The following WRN variants were observed in gnomAD, a reference collection of about 807,000 sequenced individuals.
The protein encoded by WRN is WRN RecQ like helicase, also known as bifunctional 3'-5' exonuclease/ATP-dependent helicase WRN.
In WRN, 149 loss-of-function variants were observed where a neutral mutation model predicts 180.7. That is an observed-to-expected ratio of 0.82 (90% confidence interval 0.72 to 0.94). The LOEUF (loss-of-function observed/expected upper bound fraction) is 0.94. Among genes scored for constraint, WRN ranks in the 40% least tolerant of loss-of-function variants. The pLI is 0.00. For missense variants in WRN, 1,661 were observed against 1,700.1 expected (o/e 0.98, Z 0.40); for synonymous variants, 548 against 568.9 (o/e 0.96, Z 0.52).
At chr8:31,049,450 A>G (rs550977422) in intron 1 of WRN, among the ~76,000 whole-genome samples, 22 of 151,424 alleles carry the variant, frequency 1.5e-4, no homozygotes, top group African/African-American at 5.1e-4. Flanking sequence ...AGGATTGCTT[A>G]AGCCTGGGGA....
intron 1 of WRN, among the ~76,000 whole-genome samples, chr8:31,039,405 G>C (rs1195560859): frequency 6.6e-6 from 1 of 151,756 alleles, no homozygotes; most frequent in Admixed American, 6.6e-5. Flanking sequence ...ATATTTCAAC[G>C]TTGATGTTGT....
At chr8:31,156,610 A>T (rs867113418) in intron 32 of WRN, among the ~76,000 whole-genome samples, 1 of 152,258 alleles carries the variant, frequency 6.6e-6, no homozygotes. Flanking sequence ...ATTTATGCAA[A>T]TACAGTCTAA....
intron 26 of WRN, among the ~76,000 whole-genome samples, chr8:31,142,064 A>AC (rs1206580534): frequency 6.6e-5 from 10 of 151,834 alleles, no homozygotes; most frequent in Admixed American, 1.3e-4. Context: ...ATCCTCAGCC[A>AC]CCTGAGTAGA....
rs371158693 is a variant in WRN, at chr8:31,101,508, C to T, written c.2088+553C>T. Among the ~76,000 whole-genome samples the T allele has an allele frequency of 2.3e-3, 347 of 151,944 alleles. 3 individuals carry two copies. The highest frequency in any genetic ancestry group is 7.5e-3 in the African/African-American group (312 of 41,412). ...ATTATAAAAAATAGCAAATTTTGGCCGGGCATGGTGGCTCACGCCTGTAGT... is the reference window on the plus strand; with the variant it reads ...ATTATAAAAAATAGCAAATTTTGGCTGGGCATGGTGGCTCACGCCTGTAGT... On this transcript the variant is annotated intron_variant, in intron 18 of 34. Coordinates refer to ENST00000298139, the MANE Select transcript of WRN (RefSeq NM_000553.6).
At chr8:31,089,049 C>G (rs1813645753) in intron 13 of WRN, 84 bp downstream of exon 13, 1 of 1,152,512 alleles carries the variant, frequency 8.7e-7, no homozygotes, top group Non-Finnish European at 1.3e-6. Context: ...GTCTGCTTAA[C>G]AGCAACAGCA....
At position 31,139,570 on chromosome 8, in the gene WRN, G is replaced by A. The variant is rs575089162; in HGVS notation, c.2968-1860G>A. 2.0e-5 allele frequency among the ~76,000 whole-genome samples: 3 copies of A among 152,272 alleles called. No individual in the cohort carries two copies. In the East Asian group the frequency reaches 5.8e-4, roughly 29 times the overall value. On this transcript the variant is annotated intron_variant, in intron 24 of 34. Coordinates refer to ENST00000298139, the MANE Select transcript of WRN (RefSeq NM_000553.6). ...AGCACCTAACCCCAGACTACATTGA[G>A]TAGGAAGCTGTAATAATCAGGAAGC...
chr8:31,079,420 A>C (rs575725580), intron 8 of WRN, among the ~76,000 whole-genome samples: 2 of 152,302 alleles, frequency 1.3e-5, no homozygotes, highest in South Asian at 4.1e-4. Flanking sequence ...TGAAAGAGTA[A>C]AACATGTCCC....
intron 20 of WRN, among the ~76,000 whole-genome samples, chr8:31,117,525 A>G (rs987136055): frequency 6.6e-6 from 1 of 152,188 alleles, no homozygotes; most frequent in African/African-American, 2.4e-5. Context: ...ATTTGGGAGG[A>G]TTTAAGTTCA....
intron 13 of WRN, 124 bp from the exon 14 acceptor site, chr8:31,090,341 G>C: frequency 1.1e-6 from 1 of 905,380 alleles, no homozygotes; most frequent in Admixed American, 2.1e-5. Flanking sequence ...CCAGGTTTGT[G>C]CATTTATGTA....
intron 1 of WRN, among the ~76,000 whole-genome samples, chr8:31,045,904 T>C (rs1428438209): frequency 6.6e-6 from 1 of 152,194 alleles, no homozygotes; most frequent in Admixed American, 6.5e-5. Context: ...ATTGATTTAA[T>C]TAATATATTT....
In WRN at chr8:31,147,884, A is replaced by ATTTTTTTTTT. The variant is rs367782924; in HGVS notation, c.3572+416_3572+425dup. Among the ~76,000 whole-genome samples, 4 of 126,906 alleles carry ATTTTTTTTTT rather than the reference A, an allele frequency of 3.2e-5. 1 individual carries two copies. The highest frequency in any genetic ancestry group is 1.6e-5 in the Non-Finnish European group (1 of 60,724). The allele number at this position is 126,906 out of a possible 152,430, so 83.3% of individuals were successfully genotyped here. The stretch of plus-strand genomic sequence containing the variant: ...CTTCGTCTTCCTCTTCTTCTTCTTC[A>ATTTTTTTTTT]TTTTTTTTTTTTTTTTTGTCTGAAG... On this transcript the variant is annotated intron_variant, in intron 30 of 34. Coordinates refer to ENST00000298139, the MANE Select transcript of WRN (RefSeq NM_000553.6).
At chr8:31,149,062 A>G (rs1208706502) in intron 30 of WRN, among the ~76,000 whole-genome samples, 1 of 152,202 alleles carries the variant, frequency 6.6e-6, no homozygotes, top group Non-Finnish European at 1.5e-5. Context: ...TTCTAATGAC[A>G]TTACACAGTG....
intron 16 of WRN, among the ~76,000 whole-genome samples, chr8:31,092,504 T>C (rs1002198600): frequency 2.6e-5 from 4 of 151,616 alleles, no homozygotes; most frequent in Non-Finnish European, 5.9e-5. Flanking sequence ...TATATATACA[T>C]ACACACACAT....
chr8:31,040,283 A>G (rs1811599709), intron 1 of WRN, among the ~76,000 whole-genome samples: 1 of 152,220 alleles, frequency 6.6e-6, no homozygotes, highest in African/African-American at 2.4e-5. Flanking sequence ...ATAATTGGCT[A>G]TCAAAGTTTG....
chr8:31,115,788 G>T (rs1441290725), intron 19 of WRN, among the ~76,000 whole-genome samples: 1 of 152,110 alleles, frequency 6.6e-6, no homozygotes, highest in African/African-American at 2.4e-5. Flanking sequence ...AGAAGCACAA[G>T]TTTCTACAAA....
chr8:31,152,613 TG>T (rs1419624287), intron 31 of WRN, among the ~76,000 whole-genome samples: 1 of 152,124 alleles, frequency 6.6e-6, no homozygotes, highest in Non-Finnish European at 1.5e-5. Flanking sequence ...GGACAAAAGT[TG>T]GCAAAGCTTA....
At position 31,175,643 on chromosome 8, in the gene WRN, G is replaced by A. The variant is rs1804253118; in HGVS notation, c.*2541G>A. 6.6e-6 allele frequency among the ~76,000 whole-genome samples: 1 copy of A among 152,100 alleles called. No individual in the cohort carries two copies. The highest frequency in any genetic ancestry group is 1.5e-5 in the Non-Finnish European group (1 of 68,030). On this transcript the variant is annotated 3_prime_UTR_variant, in exon 35 of 35. Transcript: ENST00000298139. ...ACAATGTCCACCATTATCTGAACAGGCTATTAAAATACTCTTCTCTTTTCC... is the reference window on the plus strand; with the variant it reads ...ACAATGTCCACCATTATCTGAACAGACTATTAAAATACTCTTCTCTTTTCC...
chr8:31,114,916 CAT>C (rs1801457739), intron 19 of WRN, among the ~76,000 whole-genome samples: 1 of 125,824 alleles, frequency 7.9e-6, no homozygotes, highest in Non-Finnish European at 1.6e-5. Flanking sequence ...TTTTTTTTGA[CAT>C]GGAGTCTTGC....
chr8:31,141,524 A>G lies in WRN; in HGVS notation c.3062A>G (p.Gln1021Arg), dbSNP rs1802629716. The change falls in exon 25 of 35, where the codon CAG becomes CGG. Residue 1021 changes from glutamine (Q) to arginine (R), a missense_variant. By Grantham distance (43) the Gln-to-Arg change is conservative. Around this residue, in one of 3 missense-constraint regions of WRN, gnomAD observed 1,141 missense variants for 1,149.4 expected, o/e 0.99. Transcript: ENST00000298139. The stretch of plus-strand genomic sequence containing the variant: ...AGTTGGTGGAAGGCTTTTTCCCGTC[A>G]GCTGATCACTGAGGGATTCTTGGTA... ...TESWWKAFSR[Q>R]LITEGFLVEV... is the part of the protein sequence containing the mutation. The G allele has an allele frequency of 6.2e-7, 1 of 1,614,176 alleles. No individual in the cohort carries two copies. Among genetic ancestry groups the G allele is most frequent in the Non-Finnish European group, 8.5e-7 (1 of 1,180,034 alleles).
Sources: allele counts gnomAD v4.1 joint callset (sites outside exome capture counted in the v4.1 genomes callset), GRCh38; gene constraint gnomAD v4.1.1; regional missense constraint gnomAD v4.1.1; transcripts MANE v1.5; gene names NCBI Gene and HGNC (gene_info 2026-07-23, HGNC 2026-07-21).